KCTD9: variants seen among roughly 807,000 people sequenced by gnomAD.
KCTD9 encodes the protein BTB/POZ domain-containing protein KCTD9.
KCTD9 carries 17 observed loss-of-function variants against 53.3 expected under a neutral mutation model. The observed-to-expected ratio is 0.32, with a 90% CI of 0.22 to 0.48. The LOEUF (loss-of-function observed/expected upper bound fraction) is 0.48. Among genes scored for constraint, KCTD9 ranks in the 20% least tolerant of loss-of-function variants. The pLI, the probability that KCTD9 is intolerant of heterozygous loss-of-function variation, is 0.99. For synonymous variants in KCTD9, 128 were observed against 162.7 expected, an observed-to-expected ratio of 0.79 and a Z score of 1.62; for missense variants, 179 against 465.5, an observed-to-expected ratio of 0.38 and a Z score of 5.66.
chr8:25,439,193 G>C, intron 6 of KCTD9, 86 bp downstream of exon 6: 2 of 1,048,550 alleles, frequency 1.9e-6, no homozygotes, highest in South Asian at 3.5e-5. Flanking sequence ...GAAATATACT[G>C]TTACTGAGTG....
chr8:25,441,404 G>C (rs1360942396), intron 3 of KCTD9, among the ~76,000 whole-genome samples: 1 of 152,006 alleles, frequency 6.6e-6, no homozygotes, highest in Non-Finnish European at 1.5e-5. Flanking sequence ...TAATACAAAA[G>C]TGTTAAAATA....
chr8:25,446,384 C>A, intron 1 of KCTD9, 134 bp from the exon 2 acceptor site: 1 of 983,882 alleles, frequency 1.0e-6, no homozygotes, highest in Non-Finnish European at 1.5e-6. Flanking sequence ...CTTAACAGTG[C>A]CCCCTTTTCT....
At chr8:25,447,069 A>G (rs1241926106) in intron 1 of KCTD9, among the ~76,000 whole-genome samples, 1 of 152,172 alleles carries the variant, frequency 6.6e-6, no homozygotes, top group Non-Finnish European at 1.5e-5. Flanking sequence ...TTGCACCATT[A>G]TCAGTTATGA....
At chr8:25,444,155 T>C in intron 3 of KCTD9, 137 bp downstream of exon 3, 1 of 767,308 alleles carries the variant, frequency 1.3e-6, no homozygotes, top group Non-Finnish European at 2.1e-6. Flanking sequence ...CAATGCAGAA[T>C]CAAAAAGTGT....
In KCTD9 at chr8:25,446,385, C is replaced by T. The variant is rs552326521; in HGVS notation, c.49-135G>A. On this transcript the variant is annotated intron_variant, in intron 1 of 11. Transcript: ENST00000221200. ...GACTTCAAAAGGTTCTTAACAGTGCCCCCTTTTCTTCCATGACTCATTTAT... is the reference window on the plus strand; with the variant it reads ...GACTTCAAAAGGTTCTTAACAGTGCTCCCTTTTCTTCCATGACTCATTTAT... 1.0e-5 allele frequency: 10 copies of T among 974,540 alleles called. No homozygotes were observed. In the South Asian group the frequency reaches 2.0e-4, roughly 19 times the overall value. 60.4% of individuals were successfully genotyped at this position (974,540 alleles called of 1,614,324 possible).
At position 25,429,242 on chromosome 8, in the gene KCTD9, C is replaced by CT. The variant is rs903294602; in HGVS notation, c.*614dup. On this transcript the variant is annotated 3_prime_UTR_variant, in exon 12 of 12. Transcript: ENST00000221200. Reference sequence around the variant, plus strand: ...CTCAATCAGTAAGAACTGGATATTACTTTAATTTAGCTACTGTTCTGTCCT... The same window carrying CT: ...CTCAATCAGTAAGAACTGGATATTACTTTTAATTTAGCTACTGTTCTGTCCT... The CT allele has an allele frequency of 6.6e-6, 1 of 152,564 alleles. No individual in the cohort carries two copies. Among genetic ancestry groups the CT allele is most frequent in the Non-Finnish European group, 1.5e-5 (1 of 68,120 alleles). 9.5% of individuals were successfully genotyped at this position (152,564 alleles called of 1,614,324 possible).
In KCTD9 at chr8:25,429,657, T is replaced by C; in HGVS notation, c.*200A>G. ...TCCCTACATCTATTAAATGAGTGCTTTTCTGTTAAAAATCAGAATATGGAA... is the reference window on the plus strand; with the variant it reads ...TCCCTACATCTATTAAATGAGTGCTCTTCTGTTAAAAATCAGAATATGGAA... On this transcript the variant is annotated 3_prime_UTR_variant, in exon 12 of 12. Coordinates refer to ENST00000221200, the MANE Select transcript of KCTD9 (RefSeq NM_017634.4). The C allele has an allele frequency of 6.2e-6, 3 of 486,764 alleles. No homozygotes were observed. In the South Asian group the frequency reaches 7.0e-5, roughly 11 times the overall value. The allele number at this position is 486,764 out of a possible 1,614,324, so 30.2% of individuals were successfully genotyped here. A position where few individuals can be genotyped will look rare whatever the true frequency, so the allele number is the denominator to read the frequency against.
rs189059794 is a variant in KCTD9 at position 25,440,712 on chromosome 8, T to C, written c.215-39A>G. The stretch of plus-strand genomic sequence containing the variant: ...GTAGAAAATAATACAAATATTAAGA[T>C]TGGGGATTCTGGGAAGATGGTAATG... On this transcript the variant is annotated intron_variant, in intron 3 of 11. Transcript: ENST00000221200. The C allele has an allele frequency of 7.3e-6, 10 of 1,371,106 alleles. No homozygotes were observed. The East Asian group carries it at 1.8e-4, about 25-fold the overall frequency. 84.9% of individuals were successfully genotyped at this position (1,371,106 alleles called of 1,614,324 possible). A position where few individuals can be genotyped will look rare whatever the true frequency, so the allele number is the denominator to read the frequency against.
At chr8:25,430,437 C>T (rs1197159464) in intron 11 of KCTD9, among the ~76,000 whole-genome samples, 1 of 152,118 alleles carries the variant, frequency 6.6e-6, no homozygotes, top group Non-Finnish European at 1.5e-5. Context: ...TAGATTCGCA[C>T]AGGAGCGTGA....
intron 9 of KCTD9, among the ~76,000 whole-genome samples, chr8:25,433,919 T>C (rs1346614989): frequency 6.6e-6 from 1 of 152,090 alleles, no homozygotes; most frequent in African/African-American, 2.4e-5. Flanking sequence ...AAGTCAGAGG[T>C]CAGAATACAA....
Position 25,430,677 on chromosome 8 carries a change from G to A in KCTD9, c.1054-704C>T, listed in dbSNP as rs114285284. The stretch of plus-strand genomic sequence containing the variant: ...ATAAAGTGCACAATAAATGTAACGC[G>A]CTTGAATCATCCCAAAACCAGCCCC... On this transcript the variant is annotated intron_variant, in intron 11 of 11. Coordinates refer to ENST00000221200, the MANE Select transcript of KCTD9 (RefSeq NM_017634.4). Among the ~76,000 whole-genome samples, 1,337 of 152,062 alleles carry A rather than the reference G, an allele frequency of 8.8e-3. 22 individuals carry two copies. The highest frequency in any genetic ancestry group is 0.03 in the African/African-American group (1,240 of 41,470).
chr8:25,439,050 CTA>C (rs1454170417), intron 6 of KCTD9, among the ~76,000 whole-genome samples: 1 of 152,158 alleles, frequency 6.6e-6, no homozygotes, highest in African/African-American at 2.4e-5. Context: ...ACATATTTAG[CTA>C]TATGTACAAA....
intron 11 of KCTD9, among the ~76,000 whole-genome samples, chr8:25,431,961 G>T (rs1801938734): frequency 2.0e-5 from 3 of 152,010 alleles, no homozygotes; most frequent in Admixed American, 2.0e-4. Flanking sequence ...GCTATATATG[G>T]GTGGTAGCTA....
intron 1 of KCTD9, among the ~76,000 whole-genome samples, chr8:25,457,084 G>A (rs1450589458): frequency 1.3e-5 from 2 of 152,162 alleles, no homozygotes; most frequent in Non-Finnish European, 2.9e-5. Context: ...TTTTAAATGA[G>A]TATTAAATCT....
chr8:25,437,405 G>A (rs1297615484), intron 6 of KCTD9, among the ~76,000 whole-genome samples: 4 of 151,756 alleles, frequency 2.6e-5, no homozygotes, highest in Admixed American at 1.3e-4. Context: ...AAGACAGGCC[G>A]GGCTCACACC....
intron 11 of KCTD9, 44 bp downstream of exon 11, chr8:25,432,460 T>C (rs776998647): frequency 6.5e-7 from 1 of 1,543,010 alleles, no homozygotes; most frequent in South Asian, 1.2e-5. Context: ...AGATGCTTAG[T>C]AAGTCTAGAG....
chr8:25,453,423 AG>A (rs1414718856), intron 1 of KCTD9, among the ~76,000 whole-genome samples: 2 of 151,942 alleles, frequency 1.3e-5, no homozygotes, highest in Non-Finnish European at 2.9e-5. Context: ...TGGGAGGCTG[AG>A]GCTGGCGGAT....
intron 2 of KCTD9, among the ~76,000 whole-genome samples, chr8:25,444,793 C>G (rs1802186757): frequency 2.0e-5 from 3 of 152,074 alleles, no homozygotes; most frequent in Non-Finnish European, 4.4e-5. Flanking sequence ...AGTGTTTACC[C>G]ACTACACATC....
At chr8:25,450,347 T>C (rs1029803449) in intron 1 of KCTD9, 1 of 985,260 alleles carries the variant, frequency 1.0e-6, no homozygotes, top group African/African-American at 1.7e-5. Flanking sequence ...GCTGTTCTAC[T>C]AATAACCGCC....
Sources: allele counts gnomAD v4.1 joint callset (sites outside exome capture counted in the v4.1 genomes callset), GRCh38; gene constraint gnomAD v4.1.1; transcripts MANE v1.5; gene names NCBI Gene and HGNC (gene_info 2026-07-23, HGNC 2026-07-21).